XXYLT1: variants seen among roughly 807,000 people sequenced by gnomAD.
XXYLT1 encodes the protein UDP-xylose:alpha-xyloside alpha-1,3-xylosyltransferase.
In XXYLT1, 20 loss-of-function variants were observed where a neutral mutation model predicts 28.9. The ratio of observed to expected loss-of-function variants is 0.69; its 90% CI spans 0.49 to 1.00. The LOEUF (loss-of-function observed/expected upper bound fraction) is 1.00, where lower values mean the gene tolerates loss of function less well. Ranked by LOEUF, XXYLT1 falls within the 50% of genes least tolerant of loss-of-function variation. The pLI is 0.00. For missense variants in XXYLT1, 542 were observed against 560.1 expected (o/e 0.97, Z 0.33); for synonymous variants, 257 against 253.8 (o/e 1.01, Z -0.12).
intron 3 of XXYLT1, among the ~76,000 whole-genome samples, chr3:195,104,585 G>A (rs373014238): frequency 1.7e-3 from 261 of 152,286 alleles, no homozygotes; most frequent in African/African-American, 6.0e-3. Context: ...TGGGGACGAG[G>A]CGGGGACCCG....
chr3:195,232,696 T>C (rs1287297059), intron 1 of XXYLT1, among the ~76,000 whole-genome samples: 1 of 152,212 alleles, frequency 6.6e-6, no homozygotes, highest in African/African-American at 2.4e-5. Flanking sequence ...GTTTCCAAAA[T>C]TCCTGTTATT....
chr3:195,172,281 G>A (rs1233888730), intron 2 of XXYLT1, among the ~76,000 whole-genome samples: 2 of 152,182 alleles, frequency 1.3e-5, no homozygotes, highest in African/African-American at 2.4e-5. Context: ...TGCCATGCTG[G>A]AATAAAAACA....
chr3:195,215,921 A>G (rs1723552646), intron 2 of XXYLT1, among the ~76,000 whole-genome samples: 1 of 152,188 alleles, frequency 6.6e-6, no homozygotes, highest in South Asian at 2.1e-4. Flanking sequence ...CATACTGGGA[A>G]GTAAAGCTCT....
chr3:195,109,854 GCCTGT>G, intron 3 of XXYLT1, among the ~76,000 whole-genome samples: 1 of 37,668 alleles, frequency 2.7e-5, no homozygotes, highest in Non-Finnish European at 5.7e-5. Flanking sequence ...GTGTATGTGT[GCCTGT>G]GTGTGTGGTG....
At chr3:195,254,513 G>A (rs796808476) in intron 1 of XXYLT1, among the ~76,000 whole-genome samples, 2 of 152,350 alleles carry the variant, frequency 1.3e-5, no homozygotes, top group Middle Eastern at 3.4e-3. Context: ...TGTAGGCTGC[G>A]GGATCTCTGT....
chr3:195,223,303 C>A (rs975655580), intron 2 of XXYLT1, among the ~76,000 whole-genome samples: 1 of 151,938 alleles, frequency 6.6e-6, no homozygotes, highest in South Asian at 2.1e-4. Flanking sequence ...GAAGGGAAGG[C>A]GGGAGGAGAG....
At chr3:195,072,986 C>A (rs574308336) in intron 3 of XXYLT1, among the ~76,000 whole-genome samples, 1 of 152,212 alleles carries the variant, frequency 6.6e-6, no homozygotes, top group African/African-American at 2.4e-5. Flanking sequence ...ATCCCCCCAA[C>A]GCAACAGCAC....
intron 3 of XXYLT1, among the ~76,000 whole-genome samples, chr3:195,134,040 C>T (rs566169529): frequency 3.3e-4 from 50 of 152,010 alleles, no homozygotes; most frequent in Non-Finnish European, 6.5e-4. Context: ...AGTGAGACCC[C>T]TGCCAAGTAA....
chr3:195,128,053 G>C (rs911843360), intron 3 of XXYLT1, among the ~76,000 whole-genome samples: 1 of 152,132 alleles, frequency 6.6e-6, no homozygotes, highest in African/African-American at 2.4e-5. Flanking sequence ...CATGCCAGGA[G>C]CCCAGGGCCC....
At chr3:195,102,652 T>A (rs1716856152) in intron 3 of XXYLT1, among the ~76,000 whole-genome samples, 1 of 151,654 alleles carries the variant, frequency 6.6e-6, no homozygotes, top group African/African-American at 2.4e-5. Context: ...CCGAGTAATA[T>A]TCCGTTTTGT....
In XXYLT1 at chr3:195,088,162, T is replaced by G. The variant is rs1266561276; in HGVS notation, c.786-18051A>C. On this transcript the variant is annotated intron_variant, in intron 3 of 3. Coordinates refer to ENST00000310380, the MANE Select transcript of XXYLT1 (RefSeq NM_152531.5). The stretch of plus-strand genomic sequence containing the variant: ...TAGGTAAACAAAGCAGCCGGGAAGC[T>G]CGAACTGGGTGGAGCCCACCACAGC... Among the ~76,000 whole-genome samples the G allele has an allele frequency of 2.6e-4, 39 of 151,136 alleles. No homozygotes were observed. The East Asian group carries it at 3.9e-3, about 15-fold the overall frequency.
chr3:195,262,855 G>T (rs534919643), intron 1 of XXYLT1, among the ~76,000 whole-genome samples: 60 of 152,280 alleles, frequency 3.9e-4, no homozygotes, highest in Non-Finnish European at 6.8e-4. Context: ...CAATTTAAAA[G>T]AATGCCACTG....
At chr3:195,226,029 G>A (rs1242801632) in intron 2 of XXYLT1, among the ~76,000 whole-genome samples, 1 of 152,100 alleles carries the variant, frequency 6.6e-6, no homozygotes, top group Non-Finnish European at 1.5e-5. Context: ...TAATACACTG[G>A]TCAATATCCA....
At chr3:195,175,107 G>T (rs111271080) in intron 2 of XXYLT1, among the ~76,000 whole-genome samples, 3,008 of 152,280 alleles carry the variant, frequency 0.02, 104 homozygotes, top group African/African-American at 0.069. Flanking sequence ...TTAGAGCAAC[G>T]ATGAAAAAGC....
intron 3 of XXYLT1, among the ~76,000 whole-genome samples, chr3:195,105,857 G>A (rs1234488408): frequency 2.0e-5 from 3 of 152,158 alleles, no homozygotes; most frequent in African/African-American, 4.8e-5. Context: ...TCCTGGTGAC[G>A]TTTCCAGCTG....
At chr3:195,198,266 A>T (rs1388415562) in intron 2 of XXYLT1, among the ~76,000 whole-genome samples, 1 of 152,186 alleles carries the variant, frequency 6.6e-6, no homozygotes, top group Non-Finnish European at 1.5e-5. Context: ...GGTGATTCAT[A>T]AAAAGGATGA....
In XXYLT1 at chr3:195,112,077, G is replaced by GTA. The variant is rs1167473796; in HGVS notation, c.786-41968_786-41967dup. Among the ~76,000 whole-genome samples, 4 of 152,282 alleles carry GTA rather than the reference G, an allele frequency of 2.6e-5. No homozygotes were observed. The South Asian group carries it at 6.2e-4, about 24-fold the overall frequency. Reference sequence around the variant, plus strand: ...GGTGCTAATATCAATCAGTACATTGGTATATACCAAATCAGCTTAAGTGAG... The same window carrying GTA: ...GGTGCTAATATCAATCAGTACATTGGTATATATACCAAATCAGCTTAAGTGAG... On this transcript the variant is annotated intron_variant, in intron 3 of 3. Transcript: ENST00000310380.
Position 195,168,833 on chromosome 3 carries a change from G to A in XXYLT1, c.653-12252C>T, listed in dbSNP as rs192538104. Among the ~76,000 whole-genome samples the A allele has an allele frequency of 3.3e-5, 5 of 152,264 alleles. No individual in the cohort carries two copies. The highest frequency in any genetic ancestry group is 7.2e-5 in the African/African-American group (3 of 41,542). On this transcript the variant is annotated intron_variant, in intron 2 of 3. Coordinates refer to ENST00000310380, the MANE Select transcript of XXYLT1 (RefSeq NM_152531.5). This position sits in a 1 kb window ranked among gnomAD's most constrained non-coding sequence, Gnocchi z 4.3. ...TGTAATAACCTGCTTAGGGTCACAC[G>A]GCCAGTGAGTGACCAGCAGAAATGC...
intron 3 of XXYLT1, among the ~76,000 whole-genome samples, chr3:195,103,348 G>GTCCATCACCCCACGCCAGCGGCCTGCA (rs1271664377): frequency 2.1e-5 from 3 of 141,454 alleles, no homozygotes; most frequent in African/African-American, 5.0e-5. Flanking sequence ...AGCGACCTGC[G>GTCCATCACCCCACGCCAGCGGCCTGCA]TCCATCACCC....
Sources: allele counts gnomAD v4.1 joint callset (sites outside exome capture counted in the v4.1 genomes callset), GRCh38; gene constraint gnomAD v4.1.1; non-coding constraint Gnocchi (gnomAD v3.1); transcripts MANE v1.5; gene names NCBI Gene and HGNC (gene_info 2026-07-23, HGNC 2026-07-21).